Variants in DMD observed in about 807,000 individuals in gnomAD.
DMD encodes the protein dystrophin.
DMD carries 63 observed loss-of-function variants against 330.1 expected under a neutral mutation model. That is an observed-to-expected ratio of 0.19 (90% CI 0.16 to 0.24). The LOEUF is 0.24. DMD is among the 10% of genes least tolerant of loss of function. The pLI, the probability that DMD is intolerant of heterozygous loss-of-function variation, is 1.00. For synonymous variants in DMD, 1,223 were observed against 959.8 expected (o/e 1.27, Z -5.07); for missense variants, 3,344 against 2,684.1 (o/e 1.25, Z -5.43).
chrX:32,434,606 A>G (rs1243165204), intron 29 of DMD, among the ~76,000 whole-genome samples: 1 of 111,901 alleles, frequency 8.9e-6, no homozygotes, highest in African/African-American at 3.2e-5. Flanking sequence ...TCAGCCTCTC[A>G]GATAATTTAT....
At chrX:31,831,902 G>A (rs982224388) in intron 49 of DMD, among the ~76,000 whole-genome samples, 2 of 112,505 alleles carry the variant, frequency 1.8e-5, no homozygotes, top group Non-Finnish European at 3.8e-5. Context: ...GCGCCCAGTC[G>A]CAAACTTGTA....
chrX:31,993,290 T>C (rs2095562951), intron 44 of DMD, among the ~76,000 whole-genome samples: 1 of 111,850 alleles, frequency 8.9e-6, no homozygotes, highest in East Asian at 2.8e-4. Flanking sequence ...TGCTAATCAC[T>C]TTAGGTCCCT....
At chrX:31,866,638 C>A (rs2093804004) in intron 48 of DMD, among the ~76,000 whole-genome samples, 1 of 111,926 alleles carries the variant, frequency 8.9e-6, no homozygotes, top group Non-Finnish European at 1.9e-5. Context: ...TCCTAGTTTT[C>A]TCTATAAAAT....
Position 31,144,504 on chromosome X carries a change from C to T in DMD, c.10921+1787G>A, listed in dbSNP as rs186372479. Among the ~76,000 whole-genome samples, 54 of 112,078 alleles carry T rather than the reference C, an allele frequency of 4.8e-4. No homozygotes were observed. The East Asian group carries it at 9.8e-3, about 20-fold the overall frequency. On this transcript the variant is annotated intron_variant, in intron 76 of 78. Transcript: ENST00000357033. ...TCCCGACTGTGATCTCCAAATTTTT[C>T]GCCATAAAACTCACCCACACCCCTG...
At chrX:31,154,944 T>C (rs970461756) in intron 74 of DMD, among the ~76,000 whole-genome samples, 1 of 112,378 alleles carries the variant, frequency 8.9e-6, no homozygotes, top group African/African-American at 3.2e-5. Context: ...TCTTATTCTC[T>C]ATAGAGCTAA....
At position 33,237,784 on chromosome X, in the gene DMD, T is replaced by C. The variant is rs573034390; in HGVS notation, c.7+101475A>G. ...AATGAAAATATGTATTGCTCGATTTTGATATATCTTGTACTTGATTGTCAA... is the reference window on the plus strand; with the variant it reads ...AATGAAAATATGTATTGCTCGATTTCGATATATCTTGTACTTGATTGTCAA... On this transcript the variant is annotated intron_variant, in intron 1 of 17. Coordinates refer to the DMD transcript ENST00000288447. Among the ~76,000 whole-genome samples, 4 of 112,440 alleles carry C rather than the reference T, an allele frequency of 3.6e-5. No homozygotes were observed. In the South Asian group the frequency reaches 1.5e-3, roughly 41 times the overall value.
intron 7 of DMD, among the ~76,000 whole-genome samples, chrX:32,780,644 C>G (rs1387254259): frequency 9.0e-6 from 1 of 111,375 alleles, no homozygotes; most frequent in Non-Finnish European, 1.9e-5. Flanking sequence ...GGATACTGAC[C>G]ATTTCATTGC....
At chrX:32,751,127 A>G (rs1336776822) in intron 7 of DMD, among the ~76,000 whole-genome samples, 2 of 111,720 alleles carry the variant, frequency 1.8e-5, no homozygotes, top group Admixed American at 1.9e-4. Context: ...AATTGGTACC[A>G]GTAGAGTGGG....
At chrX:31,789,392 TCA>T (rs972060595) in intron 50 of DMD, among the ~76,000 whole-genome samples, 2 of 111,768 alleles carry the variant, frequency 1.8e-5, no homozygotes, top group Non-Finnish European at 3.8e-5. Flanking sequence ...AATTTCAATG[TCA>T]CAACCTATAT....
intron 44 of DMD, among the ~76,000 whole-genome samples, chrX:32,089,890 A>C (rs2096464318): frequency 1.8e-5 from 2 of 111,830 alleles, no homozygotes; most frequent in Admixed American, 9.5e-5. Context: ...GACCGAACTA[A>C]TTTACGTTCC....
intron 1 of DMD, among the ~76,000 whole-genome samples, chrX:33,088,907 G>A (rs1334301274): frequency 9.0e-6 from 1 of 110,574 alleles, no homozygotes; most frequent in African/African-American, 3.3e-5. Context: ...ACAGTGTTAT[G>A]GAAAAAGATG....
At chrX:32,358,372 G>A (rs16990252) in intron 37 of DMD, among the ~76,000 whole-genome samples, 1,546 of 110,673 alleles carry the variant, frequency 0.014, 27 homozygotes, top group African/African-American at 0.047. Context: ...ACTATACTCC[G>A]ATGCCCTAAA....
intron 60 of DMD, among the ~76,000 whole-genome samples, chrX:31,422,157 C>T (rs1473797373): frequency 3.7e-5 from 4 of 106,834 alleles, no homozygotes; most frequent in Non-Finnish European, 7.7e-5. Flanking sequence ...GGGTGCATGC[C>T]ACCACACCCG....
chrX:31,766,241 T>A (rs1701662098), intron 51 of DMD, among the ~76,000 whole-genome samples: 1 of 111,843 alleles, frequency 8.9e-6, no homozygotes, highest in African/African-American at 3.2e-5. Flanking sequence ...AGAAAGGAAA[T>A]TTGTAAATAG....
chrX:32,611,087 C>T (rs1467962644), intron 12 of DMD, among the ~76,000 whole-genome samples: 1 of 110,733 alleles, frequency 9.0e-6, no homozygotes. Context: ...ATAAAGTCAA[C>T]TCTTTGCTAA....
chrX:32,948,662 A>G (rs2090984618), intron 2 of DMD, among the ~76,000 whole-genome samples: 1 of 111,871 alleles, frequency 8.9e-6, no homozygotes, highest in South Asian at 3.7e-4. Context: ...GCCTAGTCTA[A>G]GGTAGGCTGA....
At chrX:32,544,733 T>G (rs2048805643) in intron 17 of DMD, among the ~76,000 whole-genome samples, 1 of 109,982 alleles carries the variant, frequency 9.1e-6, no homozygotes, top group South Asian at 3.9e-4. Flanking sequence ...ACTACCAGGA[T>G]GGATCCCATC....
intron 9 of DMD, among the ~76,000 whole-genome samples, chrX:32,677,165 T>A (rs1434280890): frequency 3.6e-5 from 4 of 111,380 alleles, no homozygotes; most frequent in Non-Finnish European, 7.6e-5. Flanking sequence ...ACCTTTGTTC[T>A]AAGTACATAT....
At chrX:32,762,437 T>C (rs1394661063) in intron 7 of DMD, among the ~76,000 whole-genome samples, 1 of 111,293 alleles carries the variant, frequency 9.0e-6, no homozygotes, top group South Asian at 3.8e-4. Context: ...CACCAAACAT[T>C]CTAGTAGGGG....
Sources: allele counts gnomAD v4.1 joint callset (sites outside exome capture counted in the v4.1 genomes callset), GRCh38; gene constraint gnomAD v4.1.1; transcripts MANE v1.5; gene names NCBI Gene and HGNC (gene_info 2026-07-23, HGNC 2026-07-21).